CADPS: variants seen among roughly 807,000 people sequenced by gnomAD.
The protein encoded by CADPS is calcium-dependent secretion activator 1.
Under a neutral mutation model 167.3 loss-of-function variants are expected in CADPS, and 57 were observed. The ratio of observed to expected loss-of-function variants is 0.34; its 90% confidence interval spans 0.28 to 0.42. CADPS has a LOEUF of 0.42. Among genes scored for constraint, CADPS ranks in the 20% least tolerant of loss-of-function variants. The pLI is 1.00. For synonymous variants in CADPS, 676 were observed against 635.3 expected, an observed-to-expected ratio of 1.06 and a Z score of -0.96; for missense variants, 1,414 against 1,738.1, an observed-to-expected ratio of 0.81 and a Z score of 3.32.
At chr3:62,795,598 CTCAT>C (rs1417402531) in intron 1 of CADPS, among the ~76,000 whole-genome samples, 1 of 150,598 alleles carries the variant, frequency 6.6e-6, no homozygotes, top group South Asian at 2.1e-4. Context: ...TTCATAGGCC[CTCAT>C]TCATTCATTC....
intron 26 of CADPS, among the ~76,000 whole-genome samples, chr3:62,462,931 T>A (rs1386917668): frequency 6.6e-6 from 1 of 152,152 alleles, no homozygotes; most frequent in Non-Finnish European, 1.5e-5. Context: ...TGGCAGGAGA[T>A]GAGAACACGG....
At chr3:62,786,451 G>A (rs969525570) in intron 1 of CADPS, among the ~76,000 whole-genome samples, 1 of 152,044 alleles carries the variant, frequency 6.6e-6, no homozygotes, top group African/African-American at 2.4e-5. Flanking sequence ...AGAGCAGCCA[G>A]GGCAACATAG....
At chr3:62,732,940 G>C (rs1166869656) in intron 3 of CADPS, among the ~76,000 whole-genome samples, 1 of 152,196 alleles carries the variant, frequency 6.6e-6, no homozygotes, top group Non-Finnish European at 1.5e-5. Context: ...AGTTGTGATG[G>C]AGGGTGTGTG....
rs1034756652 is a variant in CADPS at position 62,874,339 on chromosome 3, G to A, written c.441+250C>T. On this transcript the variant is annotated intron_variant, in intron 1 of 29. Transcript: ENST00000383710. This position sits in a 1 kb window ranked among gnomAD's most constrained non-coding sequence, Gnocchi z 7.1. ...CTCACCAACGCTCCCGGGCTGGGGG[G>A]GCTCGAGCAAGCGGCGCTGCGCTCC... Among the ~76,000 whole-genome samples the A allele has an allele frequency of 3.9e-5, 6 of 152,148 alleles. No individual in the cohort carries two copies. Among genetic ancestry groups the A allele is most frequent in the Non-Finnish European group, 8.8e-5 (6 of 68,012 alleles).
intron 21 of CADPS, among the ~76,000 whole-genome samples, chr3:62,488,980 C>T (rs1249944781): frequency 6.6e-6 from 1 of 152,158 alleles, no homozygotes; most frequent in Admixed American, 6.5e-5. Context: ...TCACAATTTG[C>T]AGACCTTTAA....
chr3:62,603,834 GT>G (rs900326816), intron 6 of CADPS, among the ~76,000 whole-genome samples: 94 of 147,694 alleles, frequency 6.4e-4, no homozygotes, highest in African/African-American at 2.2e-3. Flanking sequence ...TGTATGCTGT[GT>G]TTTTTTTTTG....
At chr3:62,401,349 G>C (rs927432005) in intron 29 of CADPS, among the ~76,000 whole-genome samples, 8 of 152,280 alleles carry the variant, frequency 5.3e-5, no homozygotes, top group Admixed American at 5.2e-4. Context: ...AAATTCCATA[G>C]CAACGTGTAT....
At chr3:62,851,938 A>G (rs554623809) in intron 1 of CADPS, among the ~76,000 whole-genome samples, 2 of 151,366 alleles carry the variant, frequency 1.3e-5, no homozygotes, top group African/African-American at 4.9e-5. Flanking sequence ...TGGTCTTTTC[A>G]CATAGTTCCA....
intron 1 of CADPS, among the ~76,000 whole-genome samples, chr3:62,856,565 A>C (rs73097467): frequency 0.18 from 26,791 of 151,980 alleles, 2,646 homozygotes; most frequent in Middle Eastern, 0.3. Flanking sequence ...TAATAAAAGG[A>C]ACTTTATCAA....
At chr3:62,451,074 A>T (rs2057976990) in intron 26 of CADPS, among the ~76,000 whole-genome samples, 1 of 152,166 alleles carries the variant, frequency 6.6e-6, no homozygotes, top group Non-Finnish European at 1.5e-5. Context: ...CTTCTCAAAA[A>T]AAAAATGTAT....
At chr3:62,442,424 G>A (rs748484733) in intron 27 of CADPS, among the ~76,000 whole-genome samples, 1 of 151,892 alleles carries the variant, frequency 6.6e-6, no homozygotes, top group Non-Finnish European at 1.5e-5. Flanking sequence ...TCACTATGTT[G>A]GCCAGGCTGG....
intron 3 of CADPS, among the ~76,000 whole-genome samples, chr3:62,692,396 A>C (rs1948926): frequency 0.72 from 108,957 of 151,638 alleles, 39,543 homozygotes; most frequent in East Asian, 0.95. Context: ...TTTTTTCCTG[A>C]ATAGCAGCAG....
chr3:62,661,061 T>C (rs183159376), intron 4 of CADPS, among the ~76,000 whole-genome samples: 128 of 152,314 alleles, frequency 8.4e-4, no homozygotes, highest in Non-Finnish European at 1.5e-3. Flanking sequence ...GCATTTAGCA[T>C]GCTAGACACA....
chr3:62,669,673 C>G (rs1337935142), intron 3 of CADPS, among the ~76,000 whole-genome samples: 1 of 152,156 alleles, frequency 6.6e-6, no homozygotes, highest in Non-Finnish European at 1.5e-5. Context: ...GATTGGACCT[C>G]TCTGAGCCCT....
chr3:62,623,431 T>C (rs796093829), intron 6 of CADPS, among the ~76,000 whole-genome samples: 14 of 152,356 alleles, frequency 9.2e-5, no homozygotes, highest in African/African-American at 3.1e-4. Context: ...TAATTAGTAC[T>C]GATACACAAT....
intron 3 of CADPS, among the ~76,000 whole-genome samples, chr3:62,715,157 G>C (rs1373369822): frequency 1.3e-5 from 2 of 152,094 alleles, no homozygotes; most frequent in Non-Finnish European, 2.9e-5. Context: ...GGAAGAATGG[G>C]GGGTGCAAAG....
intron 1 of CADPS, among the ~76,000 whole-genome samples, chr3:62,858,679 G>A (rs1359168935): frequency 6.6e-6 from 1 of 152,102 alleles, no homozygotes; most frequent in Non-Finnish European, 1.5e-5. Context: ...AACTTCAATT[G>A]GCTGTTCATG....
intron 6 of CADPS, chr3:62,625,866 T>A (rs1262534265): frequency 6.6e-6 from 1 of 151,100 alleles, no homozygotes; most frequent in Non-Finnish European, 1.5e-5. Flanking sequence ...GAATCTTTAC[T>A]TTTTTATATT....
At chr3:62,466,179 C>T (rs1457108106) in intron 25 of CADPS, among the ~76,000 whole-genome samples, 160 bp downstream of exon 25, 1 of 152,092 alleles carries the variant, frequency 6.6e-6, no homozygotes. Flanking sequence ...TCGAGATCAT[C>T]GGAAAATCAT....
Sources: gnomAD v4.1 joint callset for allele counts (sites outside exome capture counted in the v4.1 genomes callset) on GRCh38, gnomAD v4.1.1 for gene constraint, Gnocchi (gnomAD v3.1) non-coding constraint, MANE v1.5 for transcripts, NCBI Gene and HGNC (gene_info 2026-07-23, HGNC 2026-07-21) for gene names.